Variants in YIPF5 observed in about 807,000 individuals in gnomAD.
YIPF5 encodes protein YIPF5.
In YIPF5, 8 loss-of-function variants were observed where a neutral mutation model predicts 30.4. That is an observed-to-expected ratio of 0.26 (90% CI 0.15 to 0.47). The LOEUF (loss-of-function observed/expected upper bound fraction) is 0.47. Ranked by LOEUF, YIPF5 falls within the 20% of genes least tolerant of loss-of-function variation. YIPF5 has a pLI of 0.99. For missense variants in YIPF5, 282 were observed against 301.8 expected (o/e 0.93, Z 0.49); for synonymous variants, 104 against 107.9 (o/e 0.96, Z 0.23).
At position 144,162,147 on chromosome 5, in the gene YIPF5, A is replaced by C. The variant is rs1752066208; in HGVS notation, c.611+71T>G. The C allele has an allele frequency of 6.7e-6, 10 of 1,497,724 alleles. No homozygotes were observed. In the Middle Eastern group the frequency reaches 7.1e-4, roughly 106 times the overall value. 92.8% of individuals were successfully genotyped at this position (1,497,724 alleles called of 1,614,324 possible). ...TTTGCTGAATCGGTGATTTATCTCAAACTGAAGATGAGGTGAATCCTACTA... is the reference window on the plus strand; with the variant it reads ...TTTGCTGAATCGGTGATTTATCTCACACTGAAGATGAGGTGAATCCTACTA... On this transcript the variant is annotated intron_variant, in intron 5 of 5. Transcript: ENST00000274496.
chr5:144,163,630 C>T (rs1330137998), intron 4 of YIPF5, among the ~76,000 whole-genome samples: 1 of 152,048 alleles, frequency 6.6e-6, no homozygotes. Context: ...ATTATCTTTA[C>T]AACTTTTCTG....
At position 144,162,255 on chromosome 5, in the gene YIPF5, T is replaced by C. The variant is rs1250818604; in HGVS notation, c.574A>G (p.Ile192Val). ...ATCACTGCAAAGCTGGAAAGTAGGA[T>C]CATGGGCAGAAGACAATATCCAAGG... ...SVLGYCLLPM[I>V]LLSSFAVIFS... is the part of the protein sequence containing the mutation. Residue 192 changes from isoleucine to valine, a missense_variant, in exon 5 of 6, where the codon ATC (isoleucine) becomes GTC (valine). By Grantham distance (29) the Ile-to-Val change is conservative. Transcript: ENST00000274496. 1.9e-6 allele frequency: 3 copies of C among 1,614,010 alleles called. No individual in the cohort carries two copies. Among genetic ancestry groups the C allele is most frequent in the Admixed American group, 1.7e-5 (1 of 60,014 alleles).
At chr5:144,169,404 C>A (rs1752296604) in intron 2 of YIPF5, among the ~76,000 whole-genome samples, 1 of 152,258 alleles carries the variant, frequency 6.6e-6, no homozygotes, top group South Asian at 2.1e-4. Context: ...TAATAAGGAG[C>A]TTACATCATT....
intron 5 of YIPF5, 87 bp downstream of exon 5, chr5:144,162,131 T>A: frequency 7.1e-7 from 1 of 1,405,116 alleles, no homozygotes; most frequent in Non-Finnish European, 9.8e-7. Context: ...GTTTGCTGAA[T>A]CGGTGATTTA....
At chr5:144,165,792 T>TA (rs954418737) in intron 2 of YIPF5, among the ~76,000 whole-genome samples, 188 bp from the exon 3 acceptor site, 10 of 152,084 alleles carry the variant, frequency 6.6e-5, no homozygotes, top group South Asian at 2.1e-4. Context: ...TTATCTACAA[T>TA]AAAAAAATCA....
intron 2 of YIPF5, among the ~76,000 whole-genome samples, 169 bp downstream of exon 2, chr5:144,169,677 G>A (rs1752307353): frequency 2.0e-5 from 3 of 152,128 alleles, no homozygotes; most frequent in Admixed American, 1.3e-4. Flanking sequence ...CAATACCTTC[G>A]AAGCCAAGCC....
intron 2 of YIPF5, among the ~76,000 whole-genome samples, chr5:144,169,450 TA>T (rs1391272877): frequency 6.6e-6 from 1 of 152,228 alleles, no homozygotes; most frequent in Non-Finnish European, 1.5e-5. Context: ...TTAGCACTGA[TA>T]AAAGTCTCAG....
At chr5:144,163,042 GACA>G (rs998347329) in intron 4 of YIPF5, among the ~76,000 whole-genome samples, 1 of 152,030 alleles carries the variant, frequency 6.6e-6, no homozygotes, top group African/African-American at 2.4e-5. Flanking sequence ...ATTAAGAAAA[GACA>G]ACAATAAACA....
intron 5 of YIPF5, among the ~76,000 whole-genome samples, chr5:144,160,883 T>G (rs1752019452): frequency 6.6e-6 from 1 of 152,164 alleles, no homozygotes; most frequent in African/African-American, 2.4e-5. Context: ...TCCTGTGCAC[T>G]GTCAGAATGT....
intron 5 of YIPF5, among the ~76,000 whole-genome samples, 165 bp from the exon 6 acceptor site, chr5:144,160,724 T>G (rs965250330): frequency 2.0e-5 from 3 of 152,136 alleles, no homozygotes; most frequent in Non-Finnish European, 4.4e-5. Context: ...AATGCTAAAA[T>G]GTACCTCACA....
chr5:144,160,701 A>ATT, intron 5 of YIPF5, 142 bp from the exon 6 acceptor site: 9 of 681,308 alleles, frequency 1.3e-5, no homozygotes, highest in Non-Finnish European at 2.0e-5. Flanking sequence ...AATAATCAGG[A>ATT]TTTTTTTTTT....
chr5:144,168,885 C>A (rs1003857167), intron 2 of YIPF5, among the ~76,000 whole-genome samples: 1 of 152,200 alleles, frequency 6.6e-6, no homozygotes, highest in Non-Finnish European at 1.5e-5. Flanking sequence ...GATACATAAC[C>A]TTCCCCTGCC....
chr5:144,162,075 G>A (rs1299380337), intron 5 of YIPF5, 143 bp downstream of exon 5: 4 of 822,364 alleles, frequency 4.9e-6, no homozygotes, highest in Non-Finnish European at 7.6e-6. Context: ...TTCTTCATCC[G>A]AAACCATTTG....
At position 144,160,560 on chromosome 5, in the gene YIPF5, C is replaced by T; in HGVS notation, c.612-1G>A. Reference sequence around the variant, plus strand: ...AGTGAGAATGATTCCTACCATTCCTCTGTAAACAACAAGGAAAAAGGGGGG... The same window carrying T: ...AGTGAGAATGATTCCTACCATTCCTTTGTAAACAACAAGGAAAAAGGGGGG... On this transcript the variant is annotated splice_acceptor_variant, in intron 5 of 5. Coordinates refer to ENST00000274496, the MANE Select transcript of YIPF5 (RefSeq NM_030799.9). LOFTEE classifies it high-confidence loss of function. The T allele has an allele frequency of 6.2e-7, 1 of 1,606,596 alleles. No homozygotes were observed. Among genetic ancestry groups the T allele is most frequent in the South Asian group, 1.1e-5 (1 of 89,546 alleles).
In YIPF5 at chr5:144,160,563, T is replaced by G; in HGVS notation, c.612-4A>C. On this transcript the variant is annotated splice_polypyrimidine_tract_variant and splice_region_variant and intron_variant, in intron 5 of 5. Transcript: ENST00000274496. Reference sequence around the variant, plus strand: ...GAGAATGATTCCTACCATTCCTCTGTAAACAACAAGGAAAAAGGGGGGAGA... The same window carrying G: ...GAGAATGATTCCTACCATTCCTCTGGAAACAACAAGGAAAAAGGGGGGAGA... 6.2e-7 allele frequency: 1 copy of G among 1,607,136 alleles called. No individual in the cohort carries two copies. Among genetic ancestry groups the G allele is most frequent in the Non-Finnish European group, 8.5e-7 (1 of 1,177,138 alleles).
intron 5 of YIPF5, among the ~76,000 whole-genome samples, chr5:144,161,198 T>G (rs1168734257): frequency 1.3e-5 from 2 of 152,154 alleles, no homozygotes; most frequent in East Asian, 3.8e-4. Flanking sequence ...AACCTCCACT[T>G]TAGCTTTCAA....
At position 144,159,112 on chromosome 5, in the gene YIPF5, A is replaced by G; in HGVS notation, c.*1285T>C. On this transcript the variant is annotated 3_prime_UTR_variant, in exon 6 of 6. Transcript: ENST00000274496. The stretch of plus-strand genomic sequence containing the variant: ...CAAATAAATTTAATACAATAAAATA[A>G]TGTAACTCAAACTGCTCATTTAATC... 1.0e-6 allele frequency: 1 copy of G among 981,562 alleles called. No homozygotes were observed. Among genetic ancestry groups the G allele is most frequent in the Non-Finnish European group, 1.2e-6 (1 of 826,426 alleles). 60.8% of individuals were successfully genotyped at this position (981,562 alleles called of 1,614,324 possible).
At chr5:144,166,188 G>A (rs781410522) in intron 2 of YIPF5, among the ~76,000 whole-genome samples, 4 of 152,204 alleles carry the variant, frequency 2.6e-5, no homozygotes, top group Non-Finnish European at 5.9e-5. Context: ...CTTGCTGAAT[G>A]TAACAAAAGA....
At position 144,159,375 on chromosome 5, in the gene YIPF5, GA is replaced by G. The variant is rs1372813051; in HGVS notation, c.*1021del. 2 of 984,716 alleles carry G rather than the reference GA, an allele frequency of 2.0e-6. No homozygotes were observed. The highest frequency in any genetic ancestry group is 1.7e-5 in the African/African-American group (1 of 57,286). 61.0% of individuals were successfully genotyped at this position (984,716 alleles called of 1,614,324 possible). On this transcript the variant is annotated 3_prime_UTR_variant, in exon 6 of 6. Transcript: ENST00000274496. The stretch of plus-strand genomic sequence containing the variant: ...AATATTTTCCTTAAAAAAGGTTAGT[GA>G]TTTTTTTATTATTTTTGGGAAATGT...
Sources: allele counts gnomAD v4.1 joint callset (sites outside exome capture counted in the v4.1 genomes callset), GRCh38; gene constraint gnomAD v4.1.1; transcripts MANE v1.5; gene names NCBI Gene and HGNC (gene_info 2026-07-23, HGNC 2026-07-21).